The following ADGB variants were observed in gnomAD, a reference collection of about 807,000 sequenced individuals.
ADGB encodes calpain-7-like protein.
A neutral mutation model predicts 210.5 loss-of-function variants in ADGB; 172 were observed. The ratio of observed to expected loss-of-function variants is 0.82; its 90% CI spans 0.72 to 0.93. The LOEUF (loss-of-function observed/expected upper bound fraction) is 0.93, where lower values mean the gene tolerates loss of function less well. ADGB is among the 40% of genes least tolerant of loss of function. The probability of loss-of-function intolerance (pLI) is 0.00; values close to 1 mark genes in which losing one functional copy is unlikely to be tolerated. For synonymous variants in ADGB, 658 were observed against 662.7 expected (o/e 0.99, Z 0.11); for missense variants, 2,025 against 1,964.8 (o/e 1.03, Z -0.58).
chr6:146,612,174 G>A (rs548305466), intron 1 of ADGB, among the ~76,000 whole-genome samples: 2 of 152,168 alleles, frequency 1.3e-5, no homozygotes, highest in South Asian at 4.2e-4. Flanking sequence ...TTTGTTTTCT[G>A]TCCTTTACCT....
At position 146,694,934 on chromosome 6, in the gene ADGB, A is replaced by G. The variant is rs565908306; in HGVS notation, c.1577+2019A>G. 1.3e-4 allele frequency among the ~76,000 whole-genome samples: 20 copies of G among 152,334 alleles called. No individual in the cohort carries two copies. In the South Asian group the frequency reaches 3.7e-3, roughly 28 times the overall value. ...ATAGAAATGCAATGCAATGTTATCAACAGTGTCATTAATTTAGTCAAAATT... is the reference window on the plus strand; with the variant it reads ...ATAGAAATGCAATGCAATGTTATCAGCAGTGTCATTAATTTAGTCAAAATT... On this transcript the variant is annotated intron_variant, in intron 12 of 35. Coordinates refer to ENST00000397944, the MANE Select transcript of ADGB (RefSeq NM_024694.4).
At chr6:146,769,296 G>A (rs1006649775) in intron 29 of ADGB, among the ~76,000 whole-genome samples, 165 bp downstream of exon 29, 4 of 151,856 alleles carry the variant, frequency 2.6e-5, no homozygotes, top group Non-Finnish European at 5.9e-5. Context: ...TGTGTTAATT[G>A]ATTATATGTT....
At chr6:146,760,034 T>G (rs910868543) in intron 27 of ADGB, among the ~76,000 whole-genome samples, 4 of 151,830 alleles carry the variant, frequency 2.6e-5, no homozygotes, top group African/African-American at 9.7e-5. Flanking sequence ...TTTCTAATGT[T>G]TTTGTAAAAA....
intron 1 of ADGB, among the ~76,000 whole-genome samples, chr6:146,606,595 G>T (rs1346806509): frequency 1.3e-5 from 2 of 152,120 alleles, no homozygotes; most frequent in Non-Finnish European, 2.9e-5. Flanking sequence ...AAAGGAAGGG[G>T]TCCAGTTTCA....
intron 33 of ADGB, among the ~76,000 whole-genome samples, chr6:146,789,648 A>C (rs1039052691): frequency 2.0e-5 from 3 of 152,212 alleles, no homozygotes; most frequent in Non-Finnish European, 4.4e-5. Flanking sequence ...GTACATGCCC[A>C]TTCAATAGGT....
chr6:146,792,828 A>G (rs1215946750), intron 33 of ADGB, among the ~76,000 whole-genome samples: 1 of 152,136 alleles, frequency 6.6e-6, no homozygotes, highest in East Asian at 1.9e-4. Flanking sequence ...ACACTTGAAA[A>G]CATTTATTAT....
intron 1 of ADGB, among the ~76,000 whole-genome samples, chr6:146,599,624 C>T (rs1245195017): frequency 2.0e-5 from 3 of 152,256 alleles, no homozygotes; most frequent in East Asian, 1.9e-4. Flanking sequence ...AACCTTAAAA[C>T]ATTATAAATG....
chr6:146,693,856 C>T (rs572446045), intron 12 of ADGB, among the ~76,000 whole-genome samples: 2 of 152,298 alleles, frequency 1.3e-5, no homozygotes, highest in South Asian at 4.1e-4. Flanking sequence ...CAGCCAAAGT[C>T]TTTGCCTAAC....
At chr6:146,614,939 C>T (rs1006695583) in intron 1 of ADGB, among the ~76,000 whole-genome samples, 3 of 152,122 alleles carry the variant, frequency 2.0e-5, no homozygotes, top group South Asian at 2.1e-4. Flanking sequence ...CTCGCTCTGT[C>T]GCCCAGGCTG....
rs764347318 is a variant in ADGB at position 146,721,372 on chromosome 6, T to G, written c.1993-31T>G. On this transcript the variant is annotated intron_variant, in intron 16 of 35. Transcript: ENST00000397944. ...AATAATAGCATTGATGAACTGATAT[T>G]AAGTATGACAACTGGTCTAATTTCT... 6.1e-6 allele frequency: 8 copies of G among 1,318,148 alleles called. No homozygotes were observed. In the African/African-American group the frequency reaches 1.2e-4, roughly 19 times the overall value. The allele number at this position is 1,318,148 out of a possible 1,614,324, so 81.7% of individuals were successfully genotyped here.
chr6:146,629,246 T>C (rs1005518800), intron 1 of ADGB, among the ~76,000 whole-genome samples: 1 of 152,174 alleles, frequency 6.6e-6, no homozygotes, highest in African/African-American at 2.4e-5. Flanking sequence ...ATTCTGCCAG[T>C]GGACTTCAAA....
intron 29 of ADGB, among the ~76,000 whole-genome samples, chr6:146,774,233 A>T (rs1777692045): frequency 1.3e-5 from 2 of 152,200 alleles, no homozygotes; most frequent in South Asian, 4.1e-4. Flanking sequence ...AAACTAGATA[A>T]AAACATTAAT....
intron 1 of ADGB, among the ~76,000 whole-genome samples, chr6:146,633,965 A>C (rs976105032): frequency 6.6e-6 from 1 of 152,152 alleles, no homozygotes; most frequent in African/African-American, 2.4e-5. Flanking sequence ...AGGCCTTCAC[A>C]GTCACTCTCA....
Position 146,726,110 on chromosome 6 carries a change from C to T in ADGB, c.2265C>T (p.Tyr755=). The change falls in exon 19 of 36, where the codon TAC becomes TAT. Residue 755 remains tyrosine, a synonymous_variant. Transcript: ENST00000397944. ...VGRHMLLFNA[Y]SPVGHSIHIC... is the part of the protein sequence containing the mutation. ...GACACATGCTACTCTTCAACGCATACTCCCCAGTAGGACACTCCATACACA... is the reference window on the plus strand; with the variant it reads ...GACACATGCTACTCTTCAACGCATATTCCCCAGTAGGACACTCCATACACA... 6.5e-7 allele frequency: 1 copy of T among 1,545,284 alleles called. No homozygotes were observed. The highest frequency in any genetic ancestry group is 2.5e-5 in the East Asian group (1 of 40,710).
rs1451412020 is a variant in ADGB, at chr6:146,808,030, C to T, written c.4818+6019C>T. On this transcript the variant is annotated intron_variant, in intron 35 of 35. Coordinates refer to ENST00000397944, the MANE Select transcript of ADGB (RefSeq NM_024694.4). Reference sequence around the variant, plus strand: ...TTTTTTTTTTCTGGAGACTGAGTCTCACTCTGTTGCCCAGGCTGGAGTGCA... The same window carrying T: ...TTTTTTTTTTCTGGAGACTGAGTCTTACTCTGTTGCCCAGGCTGGAGTGCA... Among the ~76,000 whole-genome samples the T allele has an allele frequency of 8.4e-5, 10 of 118,598 alleles. No individual in the cohort carries two copies. In the East Asian group the frequency reaches 3.0e-3, roughly 35 times the overall value. 77.8% of individuals were successfully genotyped at this position (118,598 alleles called of 152,430 possible).
intron 13 of ADGB, 83 bp downstream of exon 13, chr6:146,701,153 C>G (rs1776484247): frequency 7.2e-7 from 1 of 1,392,820 alleles, no homozygotes; most frequent in African/African-American, 1.5e-5. Flanking sequence ...ACTATACATA[C>G]AAAAGAATGT....
rs542197551 is a variant in ADGB at position 146,607,033 on chromosome 6, T to A, written c.74+7919T>A. On this transcript the variant is annotated intron_variant, in intron 1 of 35. Coordinates refer to ENST00000397944, the MANE Select transcript of ADGB (RefSeq NM_024694.4). The stretch of plus-strand genomic sequence containing the variant: ...TGTTGATTTTTCCTATTCATGAGCA[T>A]GGAGTGTTTTTCCATTTATTTGTGT... 6.0e-4 allele frequency among the ~76,000 whole-genome samples: 92 copies of A among 152,346 alleles called. 1 individual carries two copies. The highest frequency in any genetic ancestry group is 2.1e-3 in the African/African-American group (88 of 41,582).
At chr6:146,691,471 TATATAAATATATATATA>T (rs1776321823) in intron 11 of ADGB, among the ~76,000 whole-genome samples, 181 bp downstream of exon 11, 1 of 46,254 alleles carries the variant, frequency 2.2e-5, no homozygotes, top group Non-Finnish European at 3.2e-5. Context: ...AATATATATA[TATATAAATATATATATA>T]TATATATATA....
chr6:146,769,429 A>G (rs1777622552), intron 29 of ADGB, among the ~76,000 whole-genome samples: 1 of 152,184 alleles, frequency 6.6e-6, no homozygotes, highest in South Asian at 2.1e-4. Context: ...TCAAAAATGT[A>G]TGACATTTTT....
Sources: gnomAD v4.1 joint callset for allele counts (sites outside exome capture counted in the v4.1 genomes callset) on GRCh38, gnomAD v4.1.1 for gene constraint, MANE v1.5 for transcripts, NCBI Gene and HGNC (gene_info 2026-07-23, HGNC 2026-07-21) for gene names.